Variants in ZFYVE28 observed in about 807,000 individuals in gnomAD.
ZFYVE28 encodes lateral signaling target protein 2 homolog.
In ZFYVE28, 40 loss-of-function variants were observed where a neutral mutation model predicts 82.1. The ratio of observed to expected loss-of-function variants is 0.49; its 90% CI spans 0.38 to 0.63. The LOEUF (loss-of-function observed/expected upper bound fraction) is 0.63, where lower values mean the gene tolerates loss of function less well. Among genes scored for constraint, ZFYVE28 ranks in the 30% least tolerant of loss-of-function variants. The probability of loss-of-function intolerance (pLI) is 0.00; values close to 1 mark genes in which losing one functional copy is unlikely to be tolerated. For missense variants in ZFYVE28, 1,321 were observed against 1,242.1 expected (o/e 1.06, Z -0.96); for synonymous variants, 612 against 546.1 (o/e 1.12, Z -1.68).
chr4:2,356,207 T>A (rs1285451672), intron 1 of ZFYVE28, among the ~76,000 whole-genome samples: 1 of 152,146 alleles, frequency 6.6e-6, no homozygotes, highest in Non-Finnish European at 1.5e-5. Flanking sequence ...ACTGCCCCCC[T>A]GCCTGGGCTC....
chr4:2,288,018 C>T (rs756535495), intron 8 of ZFYVE28, among the ~76,000 whole-genome samples: 1 of 152,160 alleles, frequency 6.6e-6, no homozygotes, highest in African/African-American at 2.4e-5. Flanking sequence ...ACTCCCTCCA[C>T]CCCCACTCCT....
chr4:2,307,573 C>T (rs996933190), intron 7 of ZFYVE28, among the ~76,000 whole-genome samples: 1 of 152,184 alleles, frequency 6.6e-6, no homozygotes, highest in African/African-American at 2.4e-5. Flanking sequence ...GACTCAAACT[C>T]CTCAGCTCAA....
intron 8 of ZFYVE28, among the ~76,000 whole-genome samples, chr4:2,294,794 A>G (rs754780266): frequency 9.9e-5 from 15 of 152,222 alleles, no homozygotes; most frequent in Non-Finnish European, 1.9e-4. Flanking sequence ...ACGCTTCACC[A>G]AACAACCAAT....
intron 1 of ZFYVE28, among the ~76,000 whole-genome samples, chr4:2,403,559 C>T (rs1018763618): frequency 1.3e-5 from 2 of 152,162 alleles, no homozygotes; most frequent in African/African-American, 4.8e-5. Flanking sequence ...GCACTCCGCT[C>T]ACCAGGGCTG....
intron 6 of ZFYVE28, among the ~76,000 whole-genome samples, chr4:2,324,296 G>C (rs1349334860): frequency 6.6e-6 from 1 of 152,104 alleles, no homozygotes; most frequent in Admixed American, 6.6e-5. Context: ...CATCACGGAG[G>C]GTCGTCAGCT....
At chr4:2,349,142 T>C (rs1041139715) in intron 2 of ZFYVE28, among the ~76,000 whole-genome samples, 2 of 152,028 alleles carry the variant, frequency 1.3e-5, no homozygotes, top group Non-Finnish European at 2.9e-5. Context: ...ATAGCTATGG[T>C]GAGAAGGCTG....
chr4:2,370,642 G>A (rs1727440846), intron 1 of ZFYVE28, among the ~76,000 whole-genome samples: 2 of 152,188 alleles, frequency 1.3e-5, no homozygotes, highest in Non-Finnish European at 2.9e-5. Context: ...GCCAGAGGGA[G>A]CACCCACCAT....
Position 2,305,466 on chromosome 4 carries a change from C to A in ZFYVE28, c.874G>T (p.Val292Leu). ...LERNLCISQD[V>L]EFPIRADVQG... Reference sequence around the variant, plus strand: ...ACGTCTGCGCGGATGGGGAACTCCACGTCTTGGGAAATGCAGAGGTTCCGT... The same window carrying A: ...ACGTCTGCGCGGATGGGGAACTCCAAGTCTTGGGAAATGCAGAGGTTCCGT... The change falls in exon 8 of 13, where the codon GTG becomes TTG. Residue 292 changes from valine (V) to leucine (L), a missense_variant. Around this residue, in one of 2 missense-constraint regions of ZFYVE28, gnomAD observed 978 missense variants for 833.7 expected, o/e 1.17. Transcript: ENST00000290974. The A allele has an allele frequency of 6.2e-7, 1 of 1,612,988 alleles. No homozygotes were observed. The highest frequency in any genetic ancestry group is 8.5e-7 in the Non-Finnish European group (1 of 1,180,044).
At chr4:2,291,155 C>T (rs568469928) in intron 8 of ZFYVE28, among the ~76,000 whole-genome samples, 21 of 152,278 alleles carry the variant, frequency 1.4e-4, no homozygotes, top group East Asian at 9.6e-4. Context: ...CCACAACTGG[C>T]GAGTCTCAGA....
intron 1 of ZFYVE28, among the ~76,000 whole-genome samples, chr4:2,367,879 C>T (rs2108900864): frequency 6.6e-6 from 1 of 152,274 alleles, no homozygotes; most frequent in South Asian, 2.1e-4. Context: ...GTGGTTGCTC[C>T]TCTAATCACG....
chr4:2,401,245 C>T (rs1240990922), intron 1 of ZFYVE28, among the ~76,000 whole-genome samples: 1 of 152,236 alleles, frequency 6.6e-6, no homozygotes, highest in Non-Finnish European at 1.5e-5. Flanking sequence ...GCAGTGGTCA[C>T]AGCTCACACG....
At chr4:2,414,725 G>C (rs918259620) in intron 1 of ZFYVE28, among the ~76,000 whole-genome samples, 1 of 152,138 alleles carries the variant, frequency 6.6e-6, no homozygotes, top group African/African-American at 2.4e-5. Flanking sequence ...CCAGGTCCAG[G>C]TAAGTGTCCA....
intron 7 of ZFYVE28, among the ~76,000 whole-genome samples, chr4:2,315,016 T>A (rs1239518636): frequency 6.6e-6 from 1 of 152,102 alleles, no homozygotes; most frequent in African/African-American, 2.4e-5. Context: ...GGTCAAGGAA[T>A]CCTCCTGCCT....
intron 6 of ZFYVE28, among the ~76,000 whole-genome samples, chr4:2,326,935 T>G (rs1560208347): frequency 6.6e-6 from 1 of 151,856 alleles, no homozygotes; most frequent in Non-Finnish European, 1.5e-5. Flanking sequence ...TTTGGTGGAG[T>G]CTGTAGGGTT....
chr4:2,308,553 A>G lies in ZFYVE28; in HGVS notation c.804-3017T>C, dbSNP rs966190700. ...GGGAGGGGGAGGAGAGAATGCAGAAAGAAAGAGAAAGGAAAGAAGGAAAGC... is the reference window on the plus strand; with the variant it reads ...GGGAGGGGGAGGAGAGAATGCAGAAGGAAAGAGAAAGGAAAGAAGGAAAGC... On this transcript the variant is annotated intron_variant, in intron 7 of 12. Coordinates refer to ENST00000290974, the MANE Select transcript of ZFYVE28 (RefSeq NM_020972.3). Among the ~76,000 whole-genome samples, 3 of 150,176 alleles carry G rather than the reference A, an allele frequency of 2.0e-5. No individual in the cohort carries two copies. In the Admixed American group the frequency reaches 2.0e-4, roughly 10 times the overall value.
In ZFYVE28 at chr4:2,382,638, C is replaced by T. The variant is rs563106302; in HGVS notation, c.40-28565G>A. Among the ~76,000 whole-genome samples the T allele has an allele frequency of 7.2e-5, 11 of 152,242 alleles. No homozygotes were observed. In the South Asian group the frequency reaches 1.7e-3, roughly 23 times the overall value. ...TTGTATCTAGGAAGTAACTAGCTTG[C>T]TTTTGATTTTACAGACTCATAGGCA... On this transcript the variant is annotated intron_variant, in intron 1 of 12. Coordinates refer to ENST00000290974, the MANE Select transcript of ZFYVE28 (RefSeq NM_020972.3).
chr4:2,356,175 G>A (rs1042802760), intron 1 of ZFYVE28, among the ~76,000 whole-genome samples: 1 of 152,204 alleles, frequency 6.6e-6, no homozygotes, highest in African/African-American at 2.4e-5. Flanking sequence ...GTGAGGCTGA[G>A]CAGACCCACA....
intron 2 of ZFYVE28, among the ~76,000 whole-genome samples, chr4:2,347,212 T>A (rs1016962347): frequency 3.3e-5 from 5 of 152,156 alleles, no homozygotes; most frequent in African/African-American, 1.2e-4. Context: ...TAATAAAGGG[T>A]TCAATTTATT....
At chr4:2,278,213 TTC>T (rs1228118324) in intron 8 of ZFYVE28, among the ~76,000 whole-genome samples, 1 of 149,844 alleles carries the variant, frequency 6.7e-6, no homozygotes, top group South Asian at 2.1e-4. Context: ...AACTCAAAGA[TTC>T]TCTCTTTTTT....
Sources: allele counts gnomAD v4.1 joint callset (sites outside exome capture counted in the v4.1 genomes callset), GRCh38; gene constraint gnomAD v4.1.1; regional missense constraint gnomAD v4.1.1; transcripts MANE v1.5; gene names NCBI Gene and HGNC (gene_info 2026-07-23, HGNC 2026-07-21).